CPEB4: variants seen among roughly 807,000 people sequenced by gnomAD.
CPEB4 encodes cytoplasmic polyadenylation element-binding protein 4.
A neutral mutation model predicts 72.5 loss-of-function variants in CPEB4; 12 were observed. The observed-to-expected ratio is 0.17, with a 90% confidence interval of 0.11 to 0.27. The LOEUF (loss-of-function observed/expected upper bound fraction) is 0.27. Among genes scored for constraint, CPEB4 ranks in the 10% least tolerant of loss-of-function variants. The pLI, the probability that CPEB4 is intolerant of heterozygous loss-of-function variation, is 1.00. For synonymous variants in CPEB4, 302 were observed against 326.3 expected (o/e 0.93, Z 0.80); for missense variants, 614 against 908.5 (o/e 0.68, Z 4.17).
intron 1 of CPEB4, among the ~76,000 whole-genome samples, chr5:173,904,029 A>T (rs918969862): frequency 2.6e-5 from 4 of 152,200 alleles, no homozygotes; most frequent in East Asian, 3.8e-4. Context: ...AATAATTAAG[A>T]CTACAGAATA....
intron 2 of CPEB4, among the ~76,000 whole-genome samples, chr5:173,916,830 G>GT (rs894390046): frequency 2.6e-5 from 4 of 152,006 alleles, no homozygotes; most frequent in South Asian, 2.1e-4. Flanking sequence ...TTTTATAAAA[G>GT]TTTTTTTTAT....
intron 1 of CPEB4, among the ~76,000 whole-genome samples, chr5:173,905,639 C>CT (rs1412527355): frequency 6.6e-6 from 1 of 152,240 alleles, no homozygotes; most frequent in Admixed American, 6.5e-5. Flanking sequence ...TTTTAAGACT[C>CT]TAAGTGATCA....
At position 173,890,668 on chromosome 5, in the gene CPEB4, C is replaced by T; in HGVS notation, c.935C>T (p.Ser312Phe). The T allele has an allele frequency of 6.2e-7, 1 of 1,614,104 alleles. No individual in the cohort carries two copies. Among genetic ancestry groups the T allele is most frequent in the Non-Finnish European group, 8.5e-7 (1 of 1,179,994 alleles). Residue 312 changes from serine to phenylalanine, a missense_variant, in exon 1 of 10, where the codon TCC becomes TTC. By Grantham distance (155) the Ser-to-Phe change is radical. Transcript: ENST00000265085. ...GGGGYGGWGG[S>F]QGRDHRRGLN... ...GGTGGATATGGTGGCTGGGGAGGTT[C>T]CCAAGGCCGAGATCACCGCAGAGGG... is the stretch of plus-strand genomic sequence containing the variant.
rs1259323356 is a variant in CPEB4, at chr5:173,888,618, A to G, written c.-1116A>G. On this transcript the variant is annotated 5_prime_UTR_variant, in exon 1 of 10. Transcript: ENST00000265085. This position sits in a 1 kb window ranked among gnomAD's most constrained non-coding sequence, Gnocchi z 4.3. Reference sequence around the variant, plus strand: ...ATAGTTTAAAAAAAAATTCTGGGGGAAAAGAGAGAGAAAGCCGAGGGGGGA... The same window carrying G: ...ATAGTTTAAAAAAAAATTCTGGGGGGAAAGAGAGAGAAAGCCGAGGGGGGA... The G allele has an allele frequency of 5.0e-6, 2 of 400,912 alleles. No homozygotes were observed. The highest frequency in any genetic ancestry group is 8.8e-6 in the Non-Finnish European group (2 of 227,226). 24.8% of individuals were successfully genotyped at this position (400,912 alleles called of 1,614,324 possible). A position where few individuals can be genotyped will look rare whatever the true frequency, so the allele number is the denominator to read the frequency against.
chr5:173,924,038 C>T (rs1162965464), intron 2 of CPEB4, among the ~76,000 whole-genome samples: 4 of 152,152 alleles, frequency 2.6e-5, no homozygotes, highest in Non-Finnish European at 4.4e-5. Flanking sequence ...CTTGCAGCTT[C>T]GCACCTGCCC....
chr5:173,928,728 T>G (rs1261096547), intron 2 of CPEB4, among the ~76,000 whole-genome samples: 5 of 152,114 alleles, frequency 3.3e-5, no homozygotes, highest in Non-Finnish European at 7.4e-5. Flanking sequence ...GCAAAAAGGT[T>G]GTAGATAACC....
chr5:173,928,346 C>T (rs1298231764), intron 2 of CPEB4, among the ~76,000 whole-genome samples: 1 of 152,114 alleles, frequency 6.6e-6, no homozygotes, highest in African/African-American at 2.4e-5. Flanking sequence ...TTGCCATCAA[C>T]CTATACCACT....
chr5:173,941,047 C>G (rs997736839), intron 3 of CPEB4, among the ~76,000 whole-genome samples: 1 of 152,184 alleles, frequency 6.6e-6, no homozygotes, highest in East Asian at 1.9e-4. Context: ...ATAATGGAAG[C>G]CATGAGAGTT....
At chr5:173,895,836 T>G (rs2113126767) in intron 1 of CPEB4, among the ~76,000 whole-genome samples, 1 of 152,322 alleles carries the variant, frequency 6.6e-6, no homozygotes, top group African/African-American at 2.4e-5. Flanking sequence ...TTTCTTTTTC[T>G]TTTTCTATCT....
chr5:173,905,290 G>T (rs973411382), intron 1 of CPEB4, among the ~76,000 whole-genome samples: 4 of 151,280 alleles, frequency 2.6e-5, no homozygotes, highest in Admixed American at 6.6e-5. Flanking sequence ...GATTTTTTTT[G>T]AAAGAAGCTT....
intron 2 of CPEB4, chr5:173,918,225 G>A (rs536709515): frequency 5.2e-5 from 8 of 152,408 alleles, no homozygotes; most frequent in African/African-American, 1.9e-4. Context: ...TAGCTGTGCT[G>A]TAGGATGGGA....
At position 173,890,693 on chromosome 5, in the gene CPEB4, G is replaced by A. The variant is rs1211904335; in HGVS notation, c.960G>A (p.Gly320=). 6.2e-7 allele frequency: 1 copy of A among 1,614,176 alleles called. No homozygotes were observed. Among genetic ancestry groups the A allele is most frequent in the Non-Finnish European group, 8.5e-7 (1 of 1,180,036 alleles). The change falls in exon 1 of 10, where the codon GGG becomes GGA. Residue 320 remains glycine, a synonymous_variant. Coordinates refer to ENST00000265085, the MANE Select transcript of CPEB4 (RefSeq NM_030627.4). ...CCCAAGGCCGAGATCACCGCAGAGG[G>A]CTGAATGGTGGAATAACGCCCCTGA... is the stretch of plus-strand genomic sequence containing the variant. The part of the protein sequence containing the change: ...GGSQGRDHRR[G]LNGGITPLNS...
chr5:173,941,986 C>G (rs1243347882), intron 3 of CPEB4, among the ~76,000 whole-genome samples: 2 of 152,248 alleles, frequency 1.3e-5, no homozygotes, highest in African/African-American at 2.4e-5. Context: ...CAGCAGCACC[C>G]CTGCGTGTAA....
Position 173,890,348 on chromosome 5 carries a change from G to T in CPEB4, c.615G>T (p.Leu205=), listed in dbSNP as rs766419080. ...CTGCTTCGGCTAATAACGGTGCTCT[G>T]TTGTTTCAAAATTTCCCCCATCATG... ...VPAASANNGA[L]LFQNFPHHVS... The change falls in exon 1 of 10, where the codon CTG becomes CTT. Residue 205 remains leucine (L), a synonymous_variant. Coordinates refer to ENST00000265085, the MANE Select transcript of CPEB4 (RefSeq NM_030627.4). 1.2e-6 allele frequency: 2 copies of T among 1,614,008 alleles called. No homozygotes were observed. Among genetic ancestry groups the T allele is most frequent in the African/African-American group, 1.3e-5 (1 of 74,902 alleles).
chr5:173,935,416 C>T (rs926398150), intron 3 of CPEB4, among the ~76,000 whole-genome samples: 1 of 152,150 alleles, frequency 6.6e-6, no homozygotes, highest in African/African-American at 2.4e-5. Flanking sequence ...AATTTTAAGA[C>T]TGAAAGGTGC....
chr5:173,951,791 A>G, intron 7 of CPEB4, 33 bp from the exon 8 acceptor site: 1 of 1,298,322 alleles, frequency 7.7e-7, no homozygotes, highest in Non-Finnish European at 1.1e-6. Context: ...GTCTGTATTG[A>G]GAATGAGACA....
chr5:173,890,033 A>G lies in CPEB4; in HGVS notation c.300A>G (p.Pro100=). The G allele has an allele frequency of 6.2e-7, 1 of 1,614,212 alleles. No individual in the cohort carries two copies. The highest frequency in any genetic ancestry group is 1.1e-5 in the South Asian group (1 of 91,084). The change falls in exon 1 of 10, where the codon CCA becomes CCG. Residue 100 remains proline, a synonymous_variant. Transcript: ENST00000265085. The part of the protein sequence containing the change: ...PLEKQQLSPS[P]GQEAGILPET... Reference sequence around the variant, plus strand: ...AAAAGCAGCAGCTTTCCCCAAGTCCAGGTCAGGAAGCTGGAATACTGCCTG... The same window carrying G: ...AAAAGCAGCAGCTTTCCCCAAGTCCGGGTCAGGAAGCTGGAATACTGCCTG...
At chr5:173,935,366 T>C (rs1364626844) in intron 3 of CPEB4, among the ~76,000 whole-genome samples, 1 of 152,188 alleles carries the variant, frequency 6.6e-6, no homozygotes, top group Non-Finnish European at 1.5e-5. Context: ...AAACTGAAAA[T>C]AAAAGCCTAA....
chr5:173,901,906 G>T (rs1187979913), intron 1 of CPEB4, among the ~76,000 whole-genome samples: 6 of 152,182 alleles, frequency 3.9e-5, no homozygotes, highest in African/African-American at 1.4e-4. Context: ...GATAGTATAA[G>T]CTCTGTCATA....
Sources: gnomAD v4.1 joint callset for allele counts (sites outside exome capture counted in the v4.1 genomes callset) on GRCh38, gnomAD v4.1.1 for gene constraint, Gnocchi (gnomAD v3.1) non-coding constraint, MANE v1.5 for transcripts, NCBI Gene and HGNC (gene_info 2026-07-23, HGNC 2026-07-21) for gene names.